The following WDPCP variants were observed in gnomAD, a reference collection of about 807,000 sequenced individuals.
WDPCP encodes WD repeat containing planar cell polarity effector, also known as WD repeat-containing and planar cell polarity effector protein fritz homolog.
In WDPCP, 71 loss-of-function variants were observed where a neutral mutation model predicts 93.1. The observed-to-expected ratio is 0.76, with a 90% CI of 0.63 to 0.93. The LOEUF (loss-of-function observed/expected upper bound fraction) is 0.93. Ranked by LOEUF, WDPCP falls within the 40% of genes least tolerant of loss-of-function variation. WDPCP has a pLI of 0.00. For synonymous variants in WDPCP, 315 were observed against 315.0 expected (o/e 1.00, Z 0.00); for missense variants, 844 against 887.4 (o/e 0.95, Z 0.62).
chr2:63,319,544 C>T (rs1297894177), intron 12 of WDPCP, among the ~76,000 whole-genome samples: 2 of 152,156 alleles, frequency 1.3e-5, no homozygotes, highest in African/African-American at 4.8e-5. Flanking sequence ...ATTGGATACA[C>T]AGAACTTAAA....
intron 2 of WDPCP, among the ~76,000 whole-genome samples, chr2:63,705,118 T>C (rs1361285281): frequency 6.6e-6 from 1 of 152,210 alleles, no homozygotes; most frequent in Non-Finnish European, 1.5e-5. Flanking sequence ...GATGGTAGTT[T>C]GTATTTCTGT....
At chr2:63,691,873 AGTGTGTGTGTGTGTGTGTGTGT>A (rs71393325) in intron 2 of WDPCP, among the ~76,000 whole-genome samples, 1 of 145,090 alleles carries the variant, frequency 6.9e-6, no homozygotes, top group Non-Finnish European at 1.5e-5. Context: ...TATACTACAA[AGTGTGTGTGTGTGTGTGTGTGT>A]GTGTGTGTGT....
intron 2 of WDPCP, among the ~76,000 whole-genome samples, chr2:63,709,574 C>T (rs1669229586): frequency 6.6e-6 from 1 of 152,178 alleles, no homozygotes; most frequent in African/African-American, 2.4e-5. Context: ...GAATTTAAGT[C>T]TATGGTCTAT....
chr2:63,244,426 A>C (rs577709310), intron 14 of WDPCP, among the ~76,000 whole-genome samples: 2 of 152,316 alleles, frequency 1.3e-5, no homozygotes, highest in Admixed American at 1.3e-4. Context: ...TGAAACCAAA[A>C]GTTGGTTCTT....
At chr2:63,500,454 G>GGGTGTGT (rs1553412905) in intron 1 of WDPCP, among the ~76,000 whole-genome samples, 1 of 149,474 alleles carries the variant, frequency 6.7e-6, no homozygotes, top group African/African-American at 2.5e-5. Context: ...ATGGTGTGGG[G>GGGTGTGT]GTGTGTGTGT....
chr2:63,405,126 G>A (rs567244409), intron 9 of WDPCP, among the ~76,000 whole-genome samples: 71 of 152,180 alleles, frequency 4.7e-4, no homozygotes, highest in Non-Finnish European at 6.2e-4. Context: ...TACCACCCTT[G>A]TCAATTCTGA....
At chr2:63,762,330 G>T (rs549242893) in intron 2 of WDPCP, among the ~76,000 whole-genome samples, 69 of 152,226 alleles carry the variant, frequency 4.5e-4, no homozygotes, top group African/African-American at 1.7e-3. Context: ...CAAGCTAAAT[G>T]AATTAAAATC....
At chr2:63,770,142 A>G (rs1435857208) in intron 2 of WDPCP, among the ~76,000 whole-genome samples, 7 of 152,028 alleles carry the variant, frequency 4.6e-5, no homozygotes, top group Non-Finnish European at 1.5e-5. Flanking sequence ...ACACTTCTAG[A>G]TAACCTACGG....
intron 2 of WDPCP, among the ~76,000 whole-genome samples, chr2:63,768,734 C>T (rs900893046): frequency 6.6e-6 from 1 of 151,994 alleles, no homozygotes; most frequent in Non-Finnish European, 1.5e-5. Context: ...GAAATAGTGA[C>T]ACTGAGCTTA....
chr2:63,278,906 C>G (rs1683290503), intron 13 of WDPCP, among the ~76,000 whole-genome samples: 1 of 152,138 alleles, frequency 6.6e-6, no homozygotes, highest in Admixed American at 6.5e-5. Flanking sequence ...GGATAAATTC[C>G]TAGAAATATA....
chr2:63,708,181 G>C (rs1392498967), intron 2 of WDPCP, among the ~76,000 whole-genome samples: 1 of 152,368 alleles, frequency 6.6e-6, no homozygotes, highest in South Asian at 2.1e-4. Context: ...TAAGTCTGCA[G>C]AGGTTATTGC....
At chr2:63,428,564 C>G (rs772476107) in intron 9 of WDPCP, among the ~76,000 whole-genome samples, 1 of 152,058 alleles carries the variant, frequency 6.6e-6, no homozygotes, top group Non-Finnish European at 1.5e-5. Flanking sequence ...AACTCGGTAT[C>G]GAAGGAACAT....
chr2:63,776,153 T>C (rs1670300116), intron 2 of WDPCP, among the ~76,000 whole-genome samples: 1 of 144,756 alleles, frequency 6.9e-6, no homozygotes, highest in African/African-American at 2.6e-5. Context: ...ACTGATAAAC[T>C]GAATCTCAAA....
chr2:63,606,163 C>A, intron 3 of WDPCP: 1 of 830,280 alleles, frequency 1.2e-6, no homozygotes, highest in Admixed American at 1.9e-5. Context: ...GGCAAGATTG[C>A]TTGAGCCCAG....
chr2:63,174,765 A>T lies in WDPCP; in HGVS notation c.1983T>A (p.Pro661=). The stretch of plus-strand genomic sequence containing the variant: ...TATCTGGAAATGAGTCTTCTCCTTG[A>T]GGTGCTAAAGACAGGCCAATAAATG... ...NEAFIGLSLA[P]QGEDSFPDNL... Residue 661 remains proline (P), a synonymous_variant, in exon 15 of 18, where the codon CCT becomes CCA. Transcript: ENST00000272321. The T allele has an allele frequency of 6.2e-7, 1 of 1,613,978 alleles. No homozygotes were observed.
intron 12 of WDPCP, among the ~76,000 whole-genome samples, chr2:63,353,474 GA>G (rs2104574968): frequency 6.6e-6 from 1 of 152,304 alleles, no homozygotes; most frequent in African/African-American, 2.4e-5. Context: ...ACCTCCCTGA[GA>G]AGGCGCTCCT....
intron 9 of WDPCP, among the ~76,000 whole-genome samples, chr2:63,416,615 C>T (rs979320826): frequency 6.6e-6 from 1 of 151,872 alleles, no homozygotes; most frequent in Admixed American, 6.5e-5. Flanking sequence ...CCTCCACCTC[C>T]CTGGTTCAAA....
chr2:63,465,226 C>CATA (rs1699271300), intron 6 of WDPCP, among the ~76,000 whole-genome samples: 1 of 151,910 alleles, frequency 6.6e-6, no homozygotes, highest in African/African-American at 2.4e-5. Context: ...ACTGAGTTCC[C>CATA]ATAATAAACC....
intron 14 of WDPCP, among the ~76,000 whole-genome samples, chr2:63,243,531 A>T (rs1680027638): frequency 6.6e-6 from 1 of 152,136 alleles, no homozygotes; most frequent in Non-Finnish European, 1.5e-5. Context: ...ATGAAAGCAG[A>T]AAACAAAAAA....
Sources: gnomAD v4.1 joint callset for allele counts (sites outside exome capture counted in the v4.1 genomes callset) on GRCh38, gnomAD v4.1.1 for gene constraint, MANE v1.5 for transcripts, NCBI Gene and HGNC (gene_info 2026-07-23, HGNC 2026-07-21) for gene names.